The following ANKRD17 variants were observed in gnomAD, a reference collection of about 807,000 sequenced individuals.
ANKRD17 encodes ankyrin repeat domain 17.
Under a neutral mutation model 229.7 loss-of-function variants are expected in ANKRD17, and 19 were observed. The observed-to-expected ratio is 0.08, with a 90% confidence interval of 0.06 to 0.12. The LOEUF is 0.12. ANKRD17 is among the 10% of genes least tolerant of loss of function. The pLI, the probability that ANKRD17 is intolerant of heterozygous loss-of-function variation, is 1.00. For synonymous variants in ANKRD17, 1,112 were observed against 1,146.1 expected, an observed-to-expected ratio of 0.97 and a Z score of 0.60; for missense variants, 2,176 against 3,176.8, an observed-to-expected ratio of 0.68 and a Z score of 7.57.
intron 1 of ANKRD17, among the ~76,000 whole-genome samples, chr4:73,243,258 T>C (rs1744204486): frequency 6.6e-6 from 1 of 152,110 alleles, no homozygotes; most frequent in Non-Finnish European, 1.5e-5. Context: ...AGAAATCAAA[T>C]AACAATGACA....
chr4:73,182,417 T>A (rs1377003874), intron 1 of ANKRD17, among the ~76,000 whole-genome samples: 4 of 152,172 alleles, frequency 2.6e-5, no homozygotes, highest in Non-Finnish European at 1.5e-5. Flanking sequence ...ATAGGAGATT[T>A]CTAAATACCT....
intron 1 of ANKRD17, among the ~76,000 whole-genome samples, chr4:73,226,332 C>A (rs1374861241): frequency 1.3e-5 from 2 of 149,410 alleles, no homozygotes; most frequent in African/African-American, 2.5e-5. Context: ...ATATCCACTA[C>A]AGTATCCTAA....
chr4:73,095,125 G>T (rs954171354), intron 27 of ANKRD17, among the ~76,000 whole-genome samples: 4 of 152,056 alleles, frequency 2.6e-5, no homozygotes, highest in African/African-American at 9.7e-5. Flanking sequence ...TGTGGACTGA[G>T]ATTGCACCAC....
intron 1 of ANKRD17, among the ~76,000 whole-genome samples, chr4:73,241,970 T>A (rs1318603272): frequency 6.6e-6 from 1 of 152,128 alleles, no homozygotes; most frequent in African/African-American, 2.4e-5. Flanking sequence ...ACATTATTTC[T>A]AATAAAACTT....
intron 1 of ANKRD17, among the ~76,000 whole-genome samples, chr4:73,183,454 T>C (rs919828374): frequency 6.6e-6 from 1 of 151,992 alleles, no homozygotes; most frequent in Non-Finnish European, 1.5e-5. Context: ...GGTTTTTTTG[T>C]TTTGTTTTGT....
chr4:73,240,987 T>G (rs1329752924), intron 1 of ANKRD17, among the ~76,000 whole-genome samples: 1 of 151,852 alleles, frequency 6.6e-6, no homozygotes, highest in Non-Finnish European at 1.5e-5. Flanking sequence ...TTTTTTTGTA[T>G]TTTAATAGAG....
chr4:73,104,289 A>T (rs1467025809), intron 24 of ANKRD17, among the ~76,000 whole-genome samples: 3 of 152,136 alleles, frequency 2.0e-5, no homozygotes, highest in Non-Finnish European at 2.9e-5. Flanking sequence ...GGGAGGAGTA[A>T]TATCTGATTG....
intron 23 of ANKRD17, among the ~76,000 whole-genome samples, chr4:73,115,075 A>C (rs1434490586): frequency 6.6e-6 from 1 of 152,160 alleles, no homozygotes; most frequent in African/African-American, 2.4e-5. Flanking sequence ...AGTTACCCTA[A>C]CTTTTACATC....
intron 1 of ANKRD17, among the ~76,000 whole-genome samples, chr4:73,228,172 T>C (rs551273799): frequency 5.6e-4 from 86 of 152,266 alleles, no homozygotes; most frequent in African/African-American, 2.0e-3. Flanking sequence ...GAAACCCAAG[T>C]GTGAAAGAGC....
At chr4:73,155,585 A>C (rs765623226) in intron 5 of ANKRD17, 46 bp downstream of exon 5, 71 of 1,600,596 alleles carry the variant, frequency 4.4e-5, no homozygotes, top group Non-Finnish European at 6.0e-5. Context: ...CATTATTACC[A>C]AATGATGTTA....
intron 1 of ANKRD17, among the ~76,000 whole-genome samples, chr4:73,249,804 C>A (rs538070789): frequency 7.9e-5 from 12 of 152,284 alleles, no homozygotes; most frequent in Non-Finnish European, 1.6e-4. Flanking sequence ...TGCAGTGAGA[C>A]GGCATGGCGC....
intron 1 of ANKRD17, among the ~76,000 whole-genome samples, chr4:73,182,953 G>C (rs1035219176): frequency 2.0e-5 from 3 of 152,102 alleles, no homozygotes; most frequent in Non-Finnish European, 4.4e-5. Flanking sequence ...ATTGCTAAAT[G>C]TTCCCTTAGA....
At chr4:73,197,551 C>T (rs750597971) in intron 1 of ANKRD17, among the ~76,000 whole-genome samples, 2 of 152,126 alleles carry the variant, frequency 1.3e-5, no homozygotes, top group Non-Finnish European at 2.9e-5. Context: ...CTTTCAAGGC[C>T]AGGTGCCATG....
intron 22 of ANKRD17, among the ~76,000 whole-genome samples, chr4:73,116,667 ATCTC>A (rs1405591282): frequency 1.3e-5 from 2 of 152,120 alleles, no homozygotes; most frequent in African/African-American, 2.4e-5. Context: ...TTCCCTAAGG[ATCTC>A]TCTAATACTT....
chr4:73,151,742 A>G (rs1212315050), intron 6 of ANKRD17, among the ~76,000 whole-genome samples: 1 of 152,188 alleles, frequency 6.6e-6, no homozygotes. Flanking sequence ...TGCTGCTTCT[A>G]GAGTCCCTGC....
At chr4:73,149,645 T>C (rs544937001) in intron 7 of ANKRD17, among the ~76,000 whole-genome samples, 3 of 152,096 alleles carry the variant, frequency 2.0e-5, no homozygotes, top group East Asian at 3.9e-4. Flanking sequence ...GGAGAGAGGA[T>C]TGCTTGAGCC....
At chr4:73,101,758 A>G (rs1724028788) in intron 25 of ANKRD17, among the ~76,000 whole-genome samples, 1 of 152,002 alleles carries the variant, frequency 6.6e-6, no homozygotes, top group African/African-American at 2.4e-5. Context: ...AATATGTACA[A>G]GTACTTAAAG....
chr4:73,174,692 A>G (rs1734501606), intron 2 of ANKRD17, among the ~76,000 whole-genome samples: 1 of 152,230 alleles, frequency 6.6e-6, no homozygotes, highest in East Asian at 1.9e-4. Flanking sequence ...GACTTCAGCA[A>G]AAAAACTATT....
intron 1 of ANKRD17, among the ~76,000 whole-genome samples, chr4:73,229,143 G>A (rs1490528499): frequency 1.3e-5 from 2 of 152,116 alleles, no homozygotes; most frequent in Non-Finnish European, 2.9e-5. Context: ...TGGGGTAGGG[G>A]GAGGGAGGAG....
Sources: allele counts gnomAD v4.1 joint callset (sites outside exome capture counted in the v4.1 genomes callset), GRCh38; gene constraint gnomAD v4.1.1; transcripts MANE v1.5; gene names NCBI Gene and HGNC (gene_info 2026-07-23, HGNC 2026-07-21).